ERLEC1: variants seen among roughly 807,000 people sequenced by gnomAD.
ERLEC1 encodes ER lectin.
A neutral mutation model predicts 68.0 loss-of-function variants in ERLEC1; 47 were observed. The ratio of observed to expected loss-of-function variants is 0.69; its 90% CI spans 0.55 to 0.88. The LOEUF (loss-of-function observed/expected upper bound fraction) is 0.88, where lower values mean the gene tolerates loss of function less well. Ranked by LOEUF, ERLEC1 falls within the 40% of genes least tolerant of loss-of-function variation. The pLI is 0.00. For missense variants in ERLEC1, 567 were observed against 583.8 expected (o/e 0.97, Z 0.30); for synonymous variants, 225 against 203.2 (o/e 1.11, Z -0.91).
intron 13 of ERLEC1, among the ~76,000 whole-genome samples, chr2:53,816,003 T>G (rs1264556544): frequency 6.6e-6 from 1 of 152,090 alleles, no homozygotes; most frequent in Non-Finnish European, 1.5e-5. Context: ...CTTTCTTTCT[T>G]TTTTTTAATA....
intron 11 of ERLEC1, among the ~76,000 whole-genome samples, chr2:53,814,140 G>C (rs768392393): frequency 2.0e-5 from 3 of 152,156 alleles, no homozygotes; most frequent in Admixed American, 6.5e-5. Context: ...CTATACTACA[G>C]TGCCTAACGA....
intron 1 of ERLEC1, 107 bp from the exon 2 acceptor site, chr2:53,794,238 A>T (rs915968399): frequency 2.1e-5 from 11 of 517,310 alleles, no homozygotes; most frequent in African/African-American, 4.0e-5. Context: ...TCATCTGTTG[A>T]AATGTTAAAT....
chr2:53,801,312 C>T, intron 6 of ERLEC1, 85 bp from the exon 7 acceptor site: 1 of 896,826 alleles, frequency 1.1e-6, no homozygotes, highest in Non-Finnish European at 1.7e-6. Context: ...AGTTTTCTTC[C>T]TTTCAGAATA....
intron 6 of ERLEC1, 102 bp downstream of exon 6, chr2:53,799,183 T>G: frequency 2.0e-6 from 2 of 994,202 alleles, no homozygotes; most frequent in Non-Finnish European, 3.0e-6. Context: ...GTTCTTATTC[T>G]TCATCTATCA....
intron 8 of ERLEC1, among the ~76,000 whole-genome samples, chr2:53,806,448 T>C (rs1676298890): frequency 6.6e-6 from 1 of 152,238 alleles, no homozygotes; most frequent in Non-Finnish European, 1.5e-5. Flanking sequence ...TAGTTTAGTC[T>C]GTTAGACCTT....
At chr2:53,796,645 T>A (rs1675720097) in intron 3 of ERLEC1, among the ~76,000 whole-genome samples, 1 of 151,930 alleles carries the variant, frequency 6.6e-6, no homozygotes, top group Admixed American at 6.6e-5. Flanking sequence ...ATGAGGTTTT[T>A]CACAGTGTTG....
At chr2:53,808,530 C>T (rs1676421922) in intron 9 of ERLEC1, 70 bp downstream of exon 9, 17 of 1,450,736 alleles carry the variant, frequency 1.2e-5, no homozygotes, top group South Asian at 1.1e-4. Context: ...CAGTGGGCAT[C>T]AGCAGCACTG....
intron 8 of ERLEC1, among the ~76,000 whole-genome samples, chr2:53,803,979 A>T (rs1676142362): frequency 6.6e-6 from 1 of 152,032 alleles, no homozygotes; most frequent in Non-Finnish European, 1.5e-5. Context: ...AAATACAAAA[A>T]AATTAGCCAG....
chr2:53,798,737 T>C (rs1675849508), intron 5 of ERLEC1, among the ~76,000 whole-genome samples: 1 of 151,822 alleles, frequency 6.6e-6, no homozygotes, highest in Non-Finnish European at 1.5e-5. Flanking sequence ...GAAATATGTT[T>C]ATTCTATATT....
chr2:53,787,649 G>GC (rs1675129900), intron 1 of ERLEC1: 1 of 355,788 alleles, frequency 2.8e-6, no homozygotes, highest in Non-Finnish European at 5.0e-6. Context: ...TTCCCACCCT[G>GC]CAGAAGCAGC....
intron 8 of ERLEC1, among the ~76,000 whole-genome samples, chr2:53,803,550 A>C (rs1174040957): frequency 6.7e-6 from 1 of 148,986 alleles, no homozygotes; most frequent in South Asian, 2.1e-4. Flanking sequence ...GATTGCTTGA[A>C]GCCAGGAGTT....
chr2:53,801,767 A>G lies in ERLEC1; in HGVS notation c.804A>G (p.Pro268=), dbSNP rs1165785090. 1 of 1,614,056 alleles carries G rather than the reference A, an allele frequency of 6.2e-7. No individual in the cohort carries two copies. Among genetic ancestry groups the G allele is most frequent in the Non-Finnish European group, 8.5e-7 (1 of 1,179,926 alleles). ...TTTGTCAATCACTGCCAGGATCTCC[A>G]TTTAAGCCCCTCACCCTGAGGCAGC... ...DIFCQSLPGS[P]FKPLTLRQLE... Residue 268 remains proline, a synonymous_variant, in exon 8 of 14, where the codon CCA becomes CCG. Coordinates refer to ENST00000185150, the MANE Select transcript of ERLEC1 (RefSeq NM_015701.5).
chr2:53,802,324 C>A (rs1676049485), intron 8 of ERLEC1, among the ~76,000 whole-genome samples: 1 of 152,166 alleles, frequency 6.6e-6, no homozygotes, highest in Admixed American at 6.5e-5. Flanking sequence ...TTCATACTGA[C>A]CCTTTTCTTG....
At chr2:53,814,779 G>A (rs1676774822) in intron 12 of ERLEC1, 81 bp from the exon 13 acceptor site, 1 of 1,139,842 alleles carries the variant, frequency 8.8e-7, no homozygotes, top group Admixed American at 2.0e-5. Flanking sequence ...CCACTTGAGT[G>A]GGATTTTTAA....
intron 8 of ERLEC1, among the ~76,000 whole-genome samples, chr2:53,802,926 C>T (rs866482254): frequency 2.6e-5 from 4 of 152,246 alleles, no homozygotes; most frequent in Middle Eastern, 3.4e-3. Context: ...TTGTTTTCTT[C>T]TTCTCTTGCG....
chr2:53,812,659 A>G (rs559382686), intron 10 of ERLEC1, among the ~76,000 whole-genome samples: 1 of 152,314 alleles, frequency 6.6e-6, no homozygotes, highest in South Asian at 2.1e-4. Flanking sequence ...TATCCAGGAA[A>G]GAACTGATGG....
intron 8 of ERLEC1, among the ~76,000 whole-genome samples, chr2:53,806,499 T>G (rs1046129137): frequency 1.3e-5 from 2 of 152,222 alleles, no homozygotes; most frequent in African/African-American, 4.8e-5. Flanking sequence ...TCATTTTTAA[T>G]ACGCAGCACC....
At chr2:53,817,220 A>G (rs767612420) in intron 13 of ERLEC1, among the ~76,000 whole-genome samples, 7 of 147,946 alleles carry the variant, frequency 4.7e-5, no homozygotes, top group Non-Finnish European at 1.5e-5. Context: ...TGCAACCTCC[A>G]CCTCCCGGGT....
rs1232732034 is a variant in ERLEC1 at position 53,814,843 on chromosome 2, A to G, written c.1305-17A>G. 2 of 1,585,304 alleles carry G rather than the reference A, an allele frequency of 1.3e-6. No individual in the cohort carries two copies. The highest frequency in any genetic ancestry group is 1.3e-5 in the African/African-American group (1 of 74,076). Reference sequence around the variant, plus strand: ...TTAAATGATTTGGACAGTACCTTAAAGTGCTCTCTGTTTTAGGTGCAAAGA... The same window carrying G: ...TTAAATGATTTGGACAGTACCTTAAGGTGCTCTCTGTTTTAGGTGCAAAGA... On this transcript the variant is annotated splice_polypyrimidine_tract_variant and intron_variant, in intron 12 of 13. Transcript: ENST00000185150.
Sources: gnomAD v4.1 joint callset for allele counts (sites outside exome capture counted in the v4.1 genomes callset) on GRCh38, gnomAD v4.1.1 for gene constraint, MANE v1.5 for transcripts, NCBI Gene and HGNC (gene_info 2026-07-23, HGNC 2026-07-21) for gene names.